Variants in STON1 observed in about 807,000 individuals in gnomAD.
STON1 encodes the protein stonin 1.
STON1 carries 79 observed loss-of-function variants against 60.9 expected under a neutral mutation model. The observed-to-expected ratio is 1.30, with a 90% CI of 1.08 to 1.56. The LOEUF is 1.56. Ranked by LOEUF, STON1 falls within the 40% of genes most tolerant of loss-of-function variation. The pLI is 0.00. For synonymous variants in STON1, 363 were observed against 306.9 expected, an observed-to-expected ratio of 1.18 and a Z score of -1.91; for missense variants, 1,166 against 858.9, an observed-to-expected ratio of 1.36 and a Z score of -4.47.
chr2:48,558,061 A>C (rs1256221449), intron 1 of STON1, among the ~76,000 whole-genome samples: 4 of 152,192 alleles, frequency 2.6e-5, no homozygotes, highest in East Asian at 3.9e-4. Context: ...CATCTCTACC[A>C]AAAATACAAA....
At chr2:48,536,547 TAAAAAAAA>T (rs540312014) in intron 1 of STON1, among the ~76,000 whole-genome samples, 5 of 102,906 alleles carry the variant, frequency 4.9e-5, no homozygotes, top group Admixed American at 1.1e-4. Flanking sequence ...GATGCCATCT[TAAAAAAAA>T]AAAAAAAAAA....
intron 2 of STON1, among the ~76,000 whole-genome samples, chr2:48,585,213 A>G (rs1413398794): frequency 6.6e-6 from 1 of 151,958 alleles, no homozygotes; most frequent in East Asian, 1.9e-4. Flanking sequence ...AGTATCTTCT[A>G]TGATATAATC....
chr2:48,556,770 G>T lies in STON1; in HGVS notation c.-47-23817G>T, dbSNP rs1271113824. ...GGCTGACCCCCCCACCTCCCTCCTG[G>T]ACGGCACGGCTGCCCGGGCGGGGGG... On this transcript the variant is annotated intron_variant, in intron 1 of 3. Transcript: ENST00000404752. Among the ~76,000 whole-genome samples, 104 of 50,714 alleles carry T rather than the reference G, an allele frequency of 2.1e-3. 7 individuals are homozygous for T. The highest frequency in any genetic ancestry group is 2.8e-3 in the Non-Finnish European group (70 of 24,822). The allele number at this position is 50,714 out of a possible 152,430, so 33.3% of individuals were successfully genotyped here. A position where few individuals can be genotyped will look rare whatever the true frequency, so the allele number is the denominator to read the frequency against.
chr2:48,550,016 G>T (rs1053012660), intron 1 of STON1, among the ~76,000 whole-genome samples: 2 of 151,526 alleles, frequency 1.3e-5, no homozygotes, highest in African/African-American at 4.9e-5. Flanking sequence ...TAAGACATGG[G>T]ACAGCAGGGC....
intron 2 of STON1, among the ~76,000 whole-genome samples, chr2:48,588,132 T>G (rs1293277526): frequency 6.6e-6 from 1 of 152,192 alleles, no homozygotes; most frequent in Non-Finnish European, 1.5e-5. Flanking sequence ...AATGTGGATT[T>G]TGACTGAGCA....
intron 1 of STON1, among the ~76,000 whole-genome samples, chr2:48,542,345 G>T (rs1436013074): frequency 6.6e-6 from 1 of 152,196 alleles, no homozygotes; most frequent in East Asian, 1.9e-4. Context: ...TTGGAGTCAA[G>T]CAGATCTGGG....
rs1038132331 is a variant in STON1 at position 48,598,185 on chromosome 2, C to G, written c.*2883C>G. ...ACATTTCCTTTTTCTGTGGGAATCA[C>G]AAGAGTTTATCCACTAAAAAAAGAT... is the stretch of plus-strand genomic sequence containing the variant. On this transcript the variant is annotated 3_prime_UTR_variant, in exon 4 of 4. Coordinates refer to ENST00000404752, the MANE Select transcript of STON1 (RefSeq NM_006873.4). The G allele has an allele frequency of 1.3e-5, 2 of 152,050 alleles. No homozygotes were observed. The highest frequency in any genetic ancestry group is 2.9e-5 in the Non-Finnish European group (2 of 67,992). 9.4% of individuals were successfully genotyped at this position (152,050 alleles called of 1,614,324 possible).
chr2:48,553,945 G>C (rs1198824823), intron 1 of STON1, among the ~76,000 whole-genome samples: 1 of 152,240 alleles, frequency 6.6e-6, no homozygotes, highest in Non-Finnish European at 1.5e-5. Flanking sequence ...TCCCAGGCCA[G>C]GCAAATAGCT....
At chr2:48,535,825 G>A (rs545227570) in intron 1 of STON1, among the ~76,000 whole-genome samples, 1 of 152,212 alleles carries the variant, frequency 6.6e-6, no homozygotes, top group Admixed American at 6.5e-5. Context: ...GGTGGTTCAT[G>A]CCTGTAATCC....
intron 1 of STON1, among the ~76,000 whole-genome samples, chr2:48,573,779 A>G (rs1021466138): frequency 6.6e-6 from 1 of 152,254 alleles, no homozygotes; most frequent in African/African-American, 2.4e-5. Context: ...CCAAATGTCT[A>G]TCAACTGATA....
chr2:48,560,412 A>T (rs968324285), intron 1 of STON1, among the ~76,000 whole-genome samples: 2 of 152,146 alleles, frequency 1.3e-5, no homozygotes, highest in African/African-American at 4.8e-5. Context: ...CCCCTTAGGG[A>T]TAATGCCCTT....
intron 1 of STON1, chr2:48,530,652 C>G (rs1383240796): frequency 6.5e-6 from 1 of 152,944 alleles, no homozygotes; most frequent in Non-Finnish European, 1.5e-5. Flanking sequence ...TCCCGGACTC[C>G]CTCCTCCTTC....
chr2:48,560,751 A>T (rs940636698), intron 1 of STON1, among the ~76,000 whole-genome samples: 28 of 152,304 alleles, frequency 1.8e-4, no homozygotes, highest in African/African-American at 6.5e-4. Context: ...GAGCTGGGCG[A>T]GAGGGTGGGG....
intron 1 of STON1, among the ~76,000 whole-genome samples, chr2:48,553,735 GCCT>G (rs1672197166): frequency 6.6e-6 from 1 of 152,136 alleles, no homozygotes; most frequent in African/African-American, 2.4e-5. Context: ...TGATGCACCT[GCCT>G]CGGCCTTCCA....
At chr2:48,594,990 G>T (rs1674718897) in intron 3 of STON1, among the ~76,000 whole-genome samples, 1 of 152,146 alleles carries the variant, frequency 6.6e-6, no homozygotes, top group African/African-American at 2.4e-5. Context: ...TGACTTAGAA[G>T]ACAGTTTTGG....
At chr2:48,564,480 T>TTCTTCC (rs1558604783) in intron 1 of STON1, among the ~76,000 whole-genome samples, 8 of 32,480 alleles carry the variant, frequency 2.5e-4, no homozygotes, top group African/African-American at 5.8e-4. Flanking sequence ...CTTCTTCTTC[T>TTCTTCC]TTCTTCTTCT....
rs74495343 is a variant in STON1 at position 48,575,655 on chromosome 2, A to AAAATAAATAAATAAAT, written c.-47-4915_-47-4900dup. On this transcript the variant is annotated intron_variant, in intron 1 of 3. Coordinates refer to ENST00000404752, the MANE Select transcript of STON1 (RefSeq NM_006873.4). Reference sequence around the variant, plus strand: ...GCAACAAGAGCAAAACTCCGTCTCAAAAATAAATAAATAAATAAATAAATA... The same window carrying AAAATAAATAAATAAAT: ...GCAACAAGAGCAAAACTCCGTCTCAAAAATAAATAAATAAATAAATAAATAAATAAATAAATAAATA... Among the ~76,000 whole-genome samples the AAAATAAATAAATAAAT allele has an allele frequency of 5.2e-3, 779 of 148,872 alleles. 9 individuals carry two copies. The highest frequency in any genetic ancestry group is 0.017 in the African/African-American group (675 of 40,306).
chr2:48,575,387 C>A (rs1041857025), intron 1 of STON1, among the ~76,000 whole-genome samples: 1 of 152,150 alleles, frequency 6.6e-6, no homozygotes, highest in South Asian at 2.1e-4. Flanking sequence ...GGTTCTGTGG[C>A]TCACACCTGT....
At chr2:48,533,746 A>G (rs930474205) in intron 1 of STON1, among the ~76,000 whole-genome samples, 1 of 149,650 alleles carries the variant, frequency 6.7e-6, no homozygotes, top group Non-Finnish European at 1.5e-5. Context: ...ATGTTGTATA[A>G]GAATGTTGAA....
Sources: gnomAD v4.1 joint callset for allele counts (sites outside exome capture counted in the v4.1 genomes callset) on GRCh38, gnomAD v4.1.1 for gene constraint, MANE v1.5 for transcripts, NCBI Gene and HGNC (gene_info 2026-07-23, HGNC 2026-07-21) for gene names.